Variants in CSNK2A2 observed in about 807,000 individuals in gnomAD.
CSNK2A2 encodes the protein casein kinase 2 alpha 2.
Under a neutral mutation model 54.0 loss-of-function variants are expected in CSNK2A2, and 8 were observed. The ratio of observed to expected loss-of-function variants is 0.15; its 90% confidence interval spans 0.09 to 0.27. The LOEUF (loss-of-function observed/expected upper bound fraction) is 0.27, where lower values mean the gene tolerates loss of function less well. CSNK2A2 is among the 10% of genes least tolerant of loss of function. The pLI is 1.00. For synonymous variants in CSNK2A2, 141 were observed against 153.9 expected, an observed-to-expected ratio of 0.92 and a Z score of 0.62; for missense variants, 242 against 439.4, an observed-to-expected ratio of 0.55 and a Z score of 4.02.
intron 10 of CSNK2A2, among the ~76,000 whole-genome samples, chr16:58,164,700 G>A (rs944881452): frequency 6.6e-6 from 1 of 152,174 alleles, no homozygotes; most frequent in African/African-American, 2.4e-5. Flanking sequence ...ACACTGGGGC[G>A]GGGACATCTG....
chr16:58,180,072 CCTT>C (rs1486253879), intron 4 of CSNK2A2, among the ~76,000 whole-genome samples: 26 of 134,612 alleles, frequency 1.9e-4, no homozygotes, highest in African/African-American at 7.2e-4. Flanking sequence ...GAGCGAGACT[CCTT>C]CTCAAAAAAA....
At chr16:58,177,629 T>C (rs1343078006) in intron 4 of CSNK2A2, among the ~76,000 whole-genome samples, 1 of 152,194 alleles carries the variant, frequency 6.6e-6, no homozygotes, top group Admixed American at 6.5e-5. Flanking sequence ...TTCACACTTT[T>C]ATAAGACAGC....
chr16:58,177,462 T>G (rs1820244), intron 4 of CSNK2A2, among the ~76,000 whole-genome samples: 5,608 of 152,270 alleles, frequency 0.037, 139 homozygotes, highest in East Asian at 0.086. Context: ...GCCTCCATGG[T>G]GTAAAACCAC....
chr16:58,181,588 A>G (rs1182133204), intron 4 of CSNK2A2, among the ~76,000 whole-genome samples: 1 of 152,210 alleles, frequency 6.6e-6, no homozygotes, highest in Non-Finnish European at 1.5e-5. Flanking sequence ...GGGAAAAAAT[A>G]CAATATTCTT....
At chr16:58,196,105 GAGCC>G (rs1194237404) in intron 2 of CSNK2A2, among the ~76,000 whole-genome samples, 16 of 152,274 alleles carry the variant, frequency 1.1e-4, no homozygotes, top group African/African-American at 3.4e-4. Flanking sequence ...AGTGCTCAGG[GAGCC>G]CTTAAATTGA....
rs751945303 is a variant in CSNK2A2 at position 58,167,809 on chromosome 16, A to G, written c.514-14T>C. ...TATCAGTCGCAGCTACAAATAGGAC[A>G]GAAAAAAACATGTGAAAGGAGTGTT... On this transcript the variant is annotated splice_polypyrimidine_tract_variant and intron_variant, in intron 6 of 11. Transcript: ENST00000262506. 1 of 1,601,894 alleles carries G rather than the reference A, an allele frequency of 6.2e-7. No individual in the cohort carries two copies. Among genetic ancestry groups the G allele is most frequent in the Non-Finnish European group, 8.6e-7 (1 of 1,168,894 alleles).
chr16:58,158,545 C>A (rs1961219218), intron 11 of CSNK2A2, among the ~76,000 whole-genome samples, 192 bp from the exon 12 acceptor site: 1 of 152,212 alleles, frequency 6.6e-6, no homozygotes, highest in Non-Finnish European at 1.5e-5. Context: ...TTCTGATTAT[C>A]ATGACAGAGA....
At chr16:58,171,972 TATATA>T (rs1567466291) in intron 5 of CSNK2A2, among the ~76,000 whole-genome samples, 3 of 33,940 alleles carry the variant, frequency 8.8e-5, no homozygotes, top group African/African-American at 1.6e-4. Flanking sequence ...TATATATATA[TATATA>T]TATTTTTTTT....
At chr16:58,186,641 A>T in intron 3 of CSNK2A2, 114 bp downstream of exon 3, 1 of 723,454 alleles carries the variant, frequency 1.4e-6, no homozygotes, top group Non-Finnish European at 2.3e-6. Context: ...GTCAGTAGTT[A>T]AAGACAAACA....
intron 4 of CSNK2A2, among the ~76,000 whole-genome samples, chr16:58,183,304 G>A (rs1231500356): frequency 6.6e-6 from 1 of 151,488 alleles, no homozygotes; most frequent in East Asian, 1.9e-4. Context: ...TTGAACCCGG[G>A]AGACAGAGGT....
In CSNK2A2 at chr16:58,177,258, A is replaced by G. The variant is rs539591763; in HGVS notation, c.370-2748T>C. On this transcript the variant is annotated intron_variant, in intron 4 of 11. Coordinates refer to ENST00000262506, the MANE Select transcript of CSNK2A2 (RefSeq NM_001896.4). Reference sequence around the variant, plus strand: ...CAGAAGTACCAAGAGTCCATGACACATTAGAAAGAGAAACGTCACAAGAAC... The same window carrying G: ...CAGAAGTACCAAGAGTCCATGACACGTTAGAAAGAGAAACGTCACAAGAAC... Among the ~76,000 whole-genome samples, 3 of 152,346 alleles carry G rather than the reference A, an allele frequency of 2.0e-5. No homozygotes were observed. In the East Asian group the frequency reaches 5.8e-4, roughly 29 times the overall value.
At chr16:58,165,354 TA>T (rs2142409467) in intron 10 of CSNK2A2, among the ~76,000 whole-genome samples, 1 of 152,336 alleles carries the variant, frequency 6.6e-6, no homozygotes, top group Admixed American at 6.5e-5. Context: ...TCCGGGGAGA[TA>T]CATTCAGTGA....
chr16:58,186,927 TA>T, intron 2 of CSNK2A2, 71 bp from the exon 3 acceptor site: 2 of 1,234,404 alleles, frequency 1.6e-6, no homozygotes, highest in East Asian at 4.7e-5. Context: ...AAAACAATGT[TA>T]GCCAATCAGA....
rs2142459562 is a variant in CSNK2A2 at position 58,196,753 on chromosome 16, C to T, written c.196G>A (p.Val66Met). The T allele has an allele frequency of 1.9e-6, 3 of 1,613,164 alleles. No individual in the cohort carries two copies. Among genetic ancestry groups the T allele is most frequent in the Non-Finnish European group, 2.5e-6 (3 of 1,179,100 alleles). The change falls in exon 2 of 12, where the codon GTG (valine) becomes ATG (methionine). Residue 66 changes from valine to methionine, a missense_variant. By Grantham distance (21) the Val-to-Met change is conservative. This residue lies in a region of CSNK2A2 where 69 missense variants were observed against 97.0 expected (regional missense o/e 0.71). Transcript: ENST00000262506. ...EAINITNNER[V>M]VVKILKPVKK... is the part of the protein sequence containing the mutation. ...CTCACCTTCAGGATTTTTACAACCA[C>T]TCTCTCATTGTTGGTGATATTAATG... is the stretch of plus-strand genomic sequence containing the variant.
chr16:58,191,099 T>C (rs1187747481), intron 2 of CSNK2A2, among the ~76,000 whole-genome samples: 1 of 152,238 alleles, frequency 6.6e-6, no homozygotes, highest in African/African-American at 2.4e-5. Context: ...GACATTATGC[T>C]GTGCAAAATA....
chr16:58,167,361 T>C, intron 7 of CSNK2A2, 53 bp from the exon 8 acceptor site: 1 of 1,408,044 alleles, frequency 7.1e-7, no homozygotes, highest in Non-Finnish European at 9.8e-7. Flanking sequence ...TCCATTTTTC[T>C]GATATAAATT....
intron 5 of CSNK2A2, among the ~76,000 whole-genome samples, chr16:58,171,979 A>ATATATATATATATATATGTATTTT (rs1261137669): frequency 1.5e-5 from 1 of 66,216 alleles, no homozygotes; most frequent in Non-Finnish European, 2.5e-5. Context: ...ATATATATAT[A>ATATATATATATATATATGTATTTT]TTTTTTTTTT....
At chr16:58,173,626 C>T (rs926083305) in intron 5 of CSNK2A2, among the ~76,000 whole-genome samples, 1 of 152,196 alleles carries the variant, frequency 6.6e-6, no homozygotes, top group African/African-American at 2.4e-5. Context: ...CATCACTTTT[C>T]CCTGCATTAA....
chr16:58,174,470 T>C lies in CSNK2A2; in HGVS notation c.410A>G (p.Tyr137Cys). The change falls in exon 5 of 12, where the codon TAT becomes TGT. Residue 137 changes from tyrosine (Y) to cysteine (C), a missense_variant. Tyr to Cys is a radical substitution (Grantham distance 194, BLOSUM62 -2). Coordinates refer to ENST00000262506, the MANE Select transcript of CSNK2A2 (RefSeq NM_001896.4). ...ACTTACTTTAAGTAGTTCATACATA[T>C]AAAACCGGATATCAAAGTCTGTCAG... Reference protein sequence around the residue: ...QILTDFDIRFYMYELLKALDY... With the variant: ...QILTDFDIRFCMYELLKALDY... 1 of 1,612,488 alleles carries C rather than the reference T, an allele frequency of 6.2e-7. No homozygotes were observed. Among genetic ancestry groups the C allele is most frequent in the Non-Finnish European group, 8.5e-7 (1 of 1,179,312 alleles).
Sources: allele counts gnomAD v4.1 joint callset (sites outside exome capture counted in the v4.1 genomes callset), GRCh38; gene constraint gnomAD v4.1.1; regional missense constraint gnomAD v4.1.1; transcripts MANE v1.5; gene names NCBI Gene and HGNC (gene_info 2026-07-23, HGNC 2026-07-21).